The following DPT variants were observed in gnomAD, a reference collection of about 807,000 sequenced individuals.
DPT encodes tyrosine-rich acidic matrix protein.
A neutral mutation model predicts 31.2 loss-of-function variants in DPT; 21 were observed. That is an observed-to-expected ratio of 0.67 (90% CI 0.48 to 0.97). The LOEUF (loss-of-function observed/expected upper bound fraction) is 0.97. Ranked by LOEUF, DPT falls within the 50% of genes least tolerant of loss-of-function variation. The pLI is 0.00. For synonymous variants in DPT, 91 were observed against 86.9 expected, an observed-to-expected ratio of 1.05 and a Z score of -0.26; for missense variants, 262 against 258.8, an observed-to-expected ratio of 1.01 and a Z score of -0.08.
At chr1:168,722,256 T>C (rs536120062) in intron 1 of DPT, among the ~76,000 whole-genome samples, 128 of 152,344 alleles carry the variant, frequency 8.4e-4, no homozygotes, top group Non-Finnish European at 1.5e-3. Flanking sequence ...TCTATTAAAA[T>C]GTAATAAATA....
chr1:168,704,374 T>C (rs1170544538), intron 2 of DPT, among the ~76,000 whole-genome samples: 3 of 152,210 alleles, frequency 2.0e-5, no homozygotes, highest in Non-Finnish European at 4.4e-5. Context: ...ATTTTCTCCT[T>C]TCCCCTAAAG....
rs1219834825 is a variant in DPT at position 168,696,449 on chromosome 1, A to G, written c.*100T>C. The G allele has an allele frequency of 4.1e-6, 4 of 986,762 alleles. No homozygotes were observed. Among genetic ancestry groups the G allele is most frequent in the Non-Finnish European group, 6.0e-6 (4 of 667,752 alleles). 61.1% of individuals were successfully genotyped at this position (986,762 alleles called of 1,614,324 possible). A position where few individuals can be genotyped will look rare whatever the true frequency, so the allele number is the denominator to read the frequency against. ...CAGCTCAGGGAGAAGGAAAGAGAGC[A>G]GCAGAAACTTCTATAGGAGATCCAA... On this transcript the variant is annotated 3_prime_UTR_variant, in exon 4 of 4. Coordinates refer to ENST00000367817, the MANE Select transcript of DPT (RefSeq NM_001937.5).
intron 2 of DPT, among the ~76,000 whole-genome samples, chr1:168,702,652 C>T (rs1033147258): frequency 2.1e-5 from 3 of 144,300 alleles, no homozygotes; most frequent in Middle Eastern, 3.9e-3. Context: ...CACTCTGTCA[C>T]CCAGGCTGTT....
intron 1 of DPT, among the ~76,000 whole-genome samples, chr1:168,717,929 C>G (rs567782832): frequency 1.2e-4 from 18 of 152,228 alleles, no homozygotes; most frequent in Middle Eastern, 6.8e-3. Context: ...GGCTGATCTA[C>G]CAGGGTGTTC....
chr1:168,704,464 G>A (rs1344769585), intron 2 of DPT, among the ~76,000 whole-genome samples: 2 of 152,196 alleles, frequency 1.3e-5, no homozygotes, highest in Non-Finnish European at 2.9e-5. Context: ...GGAGAATGGC[G>A]TGAACCCGGG....
Position 168,700,279 on chromosome 1 carries a change from A to G in DPT, c.539+738T>C, listed in dbSNP as rs146035165. 5.4e-3 allele frequency among the ~76,000 whole-genome samples: 827 copies of G among 152,272 alleles called. 10 individuals carry two copies. The highest frequency in any genetic ancestry group is 0.033 in the South Asian group (159 of 4,828). On this transcript the variant is annotated intron_variant, in intron 3 of 3. Coordinates refer to ENST00000367817, the MANE Select transcript of DPT (RefSeq NM_001937.5). ...CACCATGCGTGAGGACACAGTAATA[A>G]AGCAACATCTCTGAAGCAGCGAGCA... is the stretch of plus-strand genomic sequence containing the variant.
intron 1 of DPT, among the ~76,000 whole-genome samples, chr1:168,724,926 T>C (rs1650204584): frequency 6.6e-6 from 1 of 152,136 alleles, no homozygotes; most frequent in Non-Finnish European, 1.5e-5. Flanking sequence ...AAACTTCTCC[T>C]TGAGATTCTT....
intron 2 of DPT, among the ~76,000 whole-genome samples, chr1:168,712,489 AG>A (rs537203740): frequency 9.3e-4 from 142 of 152,336 alleles, no homozygotes; most frequent in African/African-American, 3.3e-3. Context: ...TTGCTCTTTC[AG>A]GTAATTTACA....
chr1:168,701,220 G>T, intron 2 of DPT, 96 bp from the exon 3 acceptor site: 3 of 945,948 alleles, frequency 3.2e-6, no homozygotes, highest in Non-Finnish European at 5.0e-6. Flanking sequence ...TGGAGTTTGA[G>T]CATCCTGGCA....
rs1300592597 is a variant in DPT at position 168,695,678 on chromosome 1, GGT to G, written c.*869_*870del. 1 of 152,196 alleles carries G rather than the reference GGT, an allele frequency of 6.6e-6. No individual in the cohort carries two copies. The allele number at this position is 152,196 out of a possible 1,614,324, so 9.4% of individuals were successfully genotyped here. The stretch of plus-strand genomic sequence containing the variant: ...TGCCAGTAGCTCCCCAGGGTTCCAG[GGT>G]GTCTGCCAGCCTTCCTAGGAATCGT... On this transcript the variant is annotated 3_prime_UTR_variant, in exon 4 of 4. Coordinates refer to ENST00000367817, the MANE Select transcript of DPT (RefSeq NM_001937.5).
chr1:168,725,064 G>T (rs1316826734), intron 1 of DPT, among the ~76,000 whole-genome samples: 2 of 152,112 alleles, frequency 1.3e-5, no homozygotes, highest in African/African-American at 4.8e-5. Context: ...TTTACTACCT[G>T]CCCATGATGT....
intron 2 of DPT, among the ~76,000 whole-genome samples, chr1:168,711,341 G>A (rs189575043): frequency 6.7e-4 from 102 of 152,218 alleles, no homozygotes; most frequent in Non-Finnish European, 1.3e-3. Flanking sequence ...TCTAAAACCA[G>A]TGAGCCTTAG....
At chr1:168,718,291 A>G (rs1386680291) in intron 1 of DPT, among the ~76,000 whole-genome samples, 1 of 152,240 alleles carries the variant, frequency 6.6e-6, no homozygotes, top group East Asian at 1.9e-4. Flanking sequence ...TCTGAAGGCA[A>G]TCCAAGTTCC....
chr1:168,698,197 G>T (rs1397708854), intron 3 of DPT, among the ~76,000 whole-genome samples: 2 of 152,152 alleles, frequency 1.3e-5, no homozygotes, highest in Non-Finnish European at 2.9e-5. Context: ...CCTAAGGCAG[G>T]CTTTCTAATT....
chr1:168,706,708 A>G (rs1485953832), intron 2 of DPT, among the ~76,000 whole-genome samples: 1 of 152,202 alleles, frequency 6.6e-6, no homozygotes, highest in Non-Finnish European at 1.5e-5. Context: ...CATTTCAAAC[A>G]TTTCAGACAT....
chr1:168,718,352 G>A lies in DPT; in HGVS notation c.306-4006C>T, dbSNP rs1045682356. ...AGGCTGCTGGCCCCAGTGCCTGTAC[G>A]GGAAGTGTGTGTCACTTTCTCACAC... On this transcript the variant is annotated intron_variant, in intron 1 of 3. Coordinates refer to ENST00000367817, the MANE Select transcript of DPT (RefSeq NM_001937.5). 2.0e-5 allele frequency among the ~76,000 whole-genome samples: 3 copies of A among 152,256 alleles called. No individual in the cohort carries two copies. In the East Asian group the frequency reaches 5.8e-4, roughly 29 times the overall value.
chr1:168,698,067 C>T (rs563889586), intron 3 of DPT, among the ~76,000 whole-genome samples: 1 of 152,174 alleles, frequency 6.6e-6, no homozygotes, highest in South Asian at 2.1e-4. Context: ...TCTGCAAGCC[C>T]TCTTTTCAAC....
intron 1 of DPT, among the ~76,000 whole-genome samples, chr1:168,717,781 A>G (rs1246420905): frequency 2.0e-5 from 3 of 152,034 alleles, no homozygotes; most frequent in Non-Finnish European, 4.4e-5. Context: ...CATATGACTG[A>G]TGTAGCCTTC....
intron 2 of DPT, 125 bp from the exon 3 acceptor site, chr1:168,701,249 A>G: frequency 4.1e-6 from 3 of 740,080 alleles, no homozygotes; most frequent in South Asian, 1.5e-5. Context: ...CTGAAGTTAA[A>G]TGACATCCAC....
Sources: gnomAD v4.1 joint callset for allele counts (sites outside exome capture counted in the v4.1 genomes callset) on GRCh38, gnomAD v4.1.1 for gene constraint, MANE v1.5 for transcripts, NCBI Gene and HGNC (gene_info 2026-07-23, HGNC 2026-07-21) for gene names.